The following NAT2 variants were observed in gnomAD, a reference collection of about 807,000 sequenced individuals.
The protein encoded by NAT2 is N-acetyltransferase 2.
For synonymous variants in NAT2, 137 were observed against 125.9 expected, an observed-to-expected ratio of 1.09 and a Z score of -0.59; for missense variants, 428 against 339.1, an observed-to-expected ratio of 1.26 and a Z score of -2.06.
intron 1 of NAT2, among the ~76,000 whole-genome samples, chr8:18,393,082 G>T (rs13277605): frequency 0.35 from 53,717 of 151,388 alleles, 10,297 homozygotes; most frequent in Middle Eastern, 0.43. Context: ...ACTTCTGCTT[G>T]TTGGCCAGTG....
Position 18,400,745 on chromosome 8 carries a change from G to A in NAT2, c.742G>A (p.Asp248Asn), listed in dbSNP as rs747765495. ...ILTYRKFNYK[D>N]NTDLVEFKTL... is the part of the protein sequence containing the mutation. Reference sequence around the variant, plus strand: ...CACCTATAGAAAATTCAATTATAAAGACAATACAGATCTGGTCGAGTTTAA... The same window carrying A: ...CACCTATAGAAAATTCAATTATAAAAACAATACAGATCTGGTCGAGTTTAA... The change falls in exon 2 of 2, where the codon GAC becomes AAC. Residue 248 changes from aspartate to asparagine, a missense_variant. Asp to Asn is a conservative substitution (Grantham distance 23). Transcript: ENST00000286479. The A allele has an allele frequency of 1.2e-6, 2 of 1,613,642 alleles. No homozygotes were observed. Among genetic ancestry groups the A allele is most frequent in the Non-Finnish European group, 1.7e-6 (2 of 1,179,948 alleles).
chr8:18,390,595 TATATTA>T (rs879801224), upstream of NAT2, among the ~76,000 whole-genome samples: 14 of 152,068 alleles, frequency 9.2e-5, no homozygotes, highest in Non-Finnish European at 1.9e-4. Context: ...GTTTATATTT[TATATTA>T]ATATTAATGT....
chr8:18,393,785 T>A (rs781623765), intron 1 of NAT2, among the ~76,000 whole-genome samples: 8 of 152,218 alleles, frequency 5.3e-5, no homozygotes, highest in Non-Finnish European at 1.2e-4. Context: ...CTTTGCAGAC[T>A]TGTAGCCAGA....
At position 18,400,399 on chromosome 8, in the gene NAT2, G is replaced by T; in HGVS notation, c.396G>T (p.Trp132Cys). 1 of 1,611,614 alleles carries T rather than the reference G, an allele frequency of 6.2e-7. No individual in the cohort carries two copies. Among genetic ancestry groups the T allele is most frequent in the Non-Finnish European group, 8.5e-7 (1 of 1,179,248 alleles). The change falls in exon 2 of 2, where the codon TGG becomes TGT. Residue 132 changes from tryptophan (W) to cysteine (C), a missense_variant. Transcript: ENST00000286479. Reference protein sequence around the residue: ...DAGSGSSSQMWQPLELISGKD... With the variant: ...DAGSGSSSQMCQPLELISGKD... ...GGTCTGGAAGCTCCTCCCAGATGTG[G>T]CAGCCTCTAGAATTAATTTCTGGGA...
At chr8:18,389,858 C>G (rs1201370954), upstream of NAT2, among the ~76,000 whole-genome samples, 2 of 152,162 alleles carry the variant, frequency 1.3e-5, no homozygotes, top group South Asian at 2.1e-4. Flanking sequence ...TTCTCTAAAA[C>G]CAGGCCACAA....
At chr8:18,388,504 CAAAAAAA>C (rs11390514), upstream of NAT2, among the ~76,000 whole-genome samples, 4 of 78,486 alleles carry the variant, frequency 5.1e-5, no homozygotes, top group Non-Finnish European at 7.1e-5. Flanking sequence ...AGATAATAAG[CAAAAAAA>C]AAAAAAAAAA....
intron 1 of NAT2, among the ~76,000 whole-genome samples, chr8:18,392,286 G>A (rs982451396): frequency 1.3e-5 from 2 of 152,218 alleles, no homozygotes; most frequent in African/African-American, 4.8e-5. Context: ...ACAAGGTGAC[G>A]TCCCACAGTA....
At chr8:18,397,999 G>A (rs148786141) in intron 1 of NAT2, among the ~76,000 whole-genome samples, 114 of 152,296 alleles carry the variant, frequency 7.5e-4, no homozygotes, top group Non-Finnish European at 1.5e-3. Flanking sequence ...CCTCCTATGA[G>A]TAAGGGCCAG....
intron 1 of NAT2, among the ~76,000 whole-genome samples, chr8:18,392,777 A>G (rs1033762620): frequency 6.6e-6 from 1 of 152,240 alleles, no homozygotes; most frequent in Non-Finnish European, 1.5e-5. Context: ...AGGCCACAGT[A>G]AAGAGTGGAG....
intron 1 of NAT2, among the ~76,000 whole-genome samples, chr8:18,395,397 T>C (rs993659169): frequency 7.2e-5 from 11 of 152,042 alleles, no homozygotes; most frequent in Admixed American, 4.6e-4. Context: ...TTATAAATAC[T>C]AATAACATAT....
chr8:18,388,098 T>C (rs1800534155), upstream of NAT2, among the ~76,000 whole-genome samples: 1 of 152,182 alleles, frequency 6.6e-6, no homozygotes, highest in African/African-American at 2.4e-5. Flanking sequence ...GTATTCACAG[T>C]GAGAACTTGG....
upstream of NAT2, among the ~76,000 whole-genome samples, chr8:18,389,071 A>G (rs1800553802): frequency 6.6e-6 from 1 of 152,130 alleles, no homozygotes; most frequent in South Asian, 2.1e-4. Context: ...TCCTCATCTC[A>G]TAGTTTCCCA....
In NAT2 at chr8:18,400,193, C is replaced by A. The variant is rs1805158; in HGVS notation, c.190C>A (p.Arg64=). 1 of 1,613,112 alleles carries A rather than the reference C, an allele frequency of 6.2e-7. No individual in the cohort carries two copies. The highest frequency in any genetic ancestry group is 1.1e-5 in the South Asian group (1 of 91,004). The stretch of plus-strand genomic sequence containing the variant: ...TTTTGATCACATTGTAAGAAGAAAC[C>A]GGGGTGGGTGGTGTCTCCAGGTCAA... ...AIFDHIVRRN[R]GGWCLQVNQL... is the part of the protein sequence containing the mutation. The change falls in exon 2 of 2, where the codon CGG becomes AGG. Residue 64 remains arginine (R), a synonymous_variant. Coordinates refer to ENST00000286479, the MANE Select transcript of NAT2 (RefSeq NM_000015.3).
chr8:18,398,715 C>T (rs2117619694), intron 1 of NAT2, among the ~76,000 whole-genome samples: 1 of 152,278 alleles, frequency 6.6e-6, no homozygotes, highest in African/African-American at 2.4e-5. Context: ...TCCCCAGTAG[C>T]TTTGGGTTGA....
rs184792844 is a variant in NAT2, at chr8:18,398,365, A to G, written c.-6-1633A>G. On this transcript the variant is annotated intron_variant, in intron 1 of 1. Coordinates refer to ENST00000286479, the MANE Select transcript of NAT2 (RefSeq NM_000015.3). ...TAATTTCTTTATGGCTAATTCATAC[A>G]CAGAAAGGGAGAGGGCAAATTAGAG... is the stretch of plus-strand genomic sequence containing the variant. Among the ~76,000 whole-genome samples, 63 of 152,246 alleles carry G rather than the reference A, an allele frequency of 4.1e-4. No individual in the cohort carries two copies. In the East Asian group the frequency reaches 9.3e-3, roughly 22 times the overall value.
Position 18,400,900 on chromosome 8 carries a change from G to C in NAT2, c.*24G>C, listed in dbSNP as rs748967272. On this transcript the variant is annotated 3_prime_UTR_variant, in exon 2 of 2. Transcript: ENST00000286479. ...AGAATAAGGAACAAAATAAACCCTT[G>C]TGTATGTATCACCCAACTCACTAAT... 5.2e-6 allele frequency: 8 copies of C among 1,528,516 alleles called. No homozygotes were observed. The highest frequency in any genetic ancestry group is 2.1e-5 in the Admixed American group (1 of 47,322). 94.7% of individuals were successfully genotyped at this position (1,528,516 alleles called of 1,614,324 possible).
intron 1 of NAT2, among the ~76,000 whole-genome samples, chr8:18,397,486 G>C (rs1042447516): frequency 6.6e-6 from 1 of 152,096 alleles, no homozygotes; most frequent in Non-Finnish European, 1.5e-5. Flanking sequence ...GGAAATTTAG[G>C]ATACAATGGA....
Position 18,401,130 on chromosome 8 carries a change from A to C in NAT2, c.*254A>C, listed in dbSNP as rs1437622476. ...TGTGATTATCTTGGGAAGCAGAGTG[A>C]TTCATGCTAGAAAACATTTAATATT... On this transcript the variant is annotated 3_prime_UTR_variant, in exon 2 of 2. Transcript: ENST00000286479. 1 of 348,728 alleles carries C rather than the reference A, an allele frequency of 2.9e-6. No homozygotes were observed. Among genetic ancestry groups the C allele is most frequent in the Non-Finnish European group, 5.3e-6 (1 of 188,344 alleles). The allele number at this position is 348,728 out of a possible 1,614,324, so 21.6% of individuals were successfully genotyped here.
At chr8:18,399,513 A>G (rs1495744) in intron 1 of NAT2, among the ~76,000 whole-genome samples, 59,908 of 152,058 alleles carry the variant, frequency 0.39, 12,385 homozygotes, top group Middle Eastern at 0.46. Context: ...GAATGAATGA[A>G]TTAATCAATA....
Sources: gnomAD v4.1 joint callset for allele counts (sites outside exome capture counted in the v4.1 genomes callset) on GRCh38, gnomAD v4.1.1 for gene constraint, MANE v1.5 for transcripts, NCBI Gene and HGNC (gene_info 2026-07-23, HGNC 2026-07-21) for gene names.